Variants in CDK13 observed in about 807,000 individuals in gnomAD.
CDK13 encodes cyclin-dependent kinase 13.
A neutral mutation model predicts 137.6 loss-of-function variants in CDK13; 40 were observed. The observed-to-expected ratio is 0.29, with a 90% CI of 0.23 to 0.38. CDK13 has a LOEUF of 0.38. Among genes scored for constraint, CDK13 ranks in the 10% least tolerant of loss-of-function variants. CDK13 has a pLI of 1.00. For missense variants in CDK13, 1,704 were observed against 1,951.8 expected (o/e 0.87, Z 2.39); for synonymous variants, 869 against 760.1 (o/e 1.14, Z -2.36).
intron 4 of CDK13, among the ~76,000 whole-genome samples, chr7:40,001,506 C>T (rs1458982446): frequency 3.3e-5 from 5 of 152,128 alleles, no homozygotes; most frequent in Admixed American, 6.5e-5. Context: ...TGAACTACCA[C>T]GCCTGGCCTA....
intron 1 of CDK13, among the ~76,000 whole-genome samples, chr7:39,971,285 G>T (rs1393961799): frequency 6.6e-6 from 1 of 150,704 alleles, no homozygotes; most frequent in African/African-American, 2.4e-5. Context: ...TGGGAGGCTA[G>T]GGCAGCAGAT....
intron 1 of CDK13, among the ~76,000 whole-genome samples, chr7:39,960,542 C>T (rs1016094604): frequency 2.6e-5 from 4 of 151,754 alleles, no homozygotes; most frequent in African/African-American, 9.7e-5. Flanking sequence ...CAGGCATGAG[C>T]CACCGCATCT....
chr7:40,034,596 A>AATAT (rs1405704603), intron 5 of CDK13, among the ~76,000 whole-genome samples: 1 of 152,170 alleles, frequency 6.6e-6, no homozygotes, highest in Non-Finnish European at 1.5e-5. Context: ...TTTACATTAT[A>AATAT]AATAGTACTG....
rs1408463795 is a variant in CDK13 at position 39,983,215 on chromosome 7, T to A, written c.1212-4384T>A. Among the ~76,000 whole-genome samples, 3 of 152,200 alleles carry A rather than the reference T, an allele frequency of 2.0e-5. No individual in the cohort carries two copies. The East Asian group carries it at 5.8e-4, about 29-fold the overall frequency. On this transcript the variant is annotated intron_variant, in intron 1 of 13. Transcript: ENST00000181839. The stretch of plus-strand genomic sequence containing the variant: ...TTTTATATAAGGTTTAAGGAAGGGA[T>A]CCAGTTTCAGCTTTCTACATATGGC...
chr7:40,007,501 A>T, intron 5 of CDK13, among the ~76,000 whole-genome samples: 1 of 152,198 alleles, frequency 6.6e-6, no homozygotes, highest in East Asian at 1.9e-4. Flanking sequence ...ATCTTGGCTC[A>T]CTGCGACCTC....
intron 5 of CDK13, among the ~76,000 whole-genome samples, chr7:40,011,057 A>G (rs1228264187): frequency 1.3e-5 from 2 of 152,200 alleles, no homozygotes; most frequent in Non-Finnish European, 2.9e-5. Context: ...TATTATTAAG[A>G]TGGCAGTACT....
intron 7 of CDK13, among the ~76,000 whole-genome samples, chr7:40,057,920 T>C (rs1786056462): frequency 6.6e-6 from 1 of 152,228 alleles, no homozygotes; most frequent in Admixed American, 6.5e-5. Context: ...TATTGTTATG[T>C]AGTTATGTTA....
At chr7:40,039,457 T>TTTTTTTTG (rs1562743229) in intron 5 of CDK13, among the ~76,000 whole-genome samples, 1 of 146,776 alleles carries the variant, frequency 6.8e-6, no homozygotes, top group Non-Finnish European at 1.5e-5. Flanking sequence ...TTTTTTTTTT[T>TTTTTTTTG]GCGACAGAGT....
intron 7 of CDK13, among the ~76,000 whole-genome samples, chr7:40,055,156 CTGTGTGTGTGTGTGTG>C (rs56001601): frequency 6.4e-5 from 9 of 140,338 alleles, no homozygotes; most frequent in South Asian, 2.3e-4. Flanking sequence ...GGCAGAAGGA[CTGTGTGTGTGTGTGTG>C]TGTGTGTGTG....
chr7:39,993,573 A>G (rs979724798), intron 2 of CDK13, among the ~76,000 whole-genome samples: 1 of 152,062 alleles, frequency 6.6e-6, no homozygotes, highest in Non-Finnish European at 1.5e-5. Flanking sequence ...TAGTTGTTTT[A>G]TTATTATTTT....
intron 1 of CDK13, among the ~76,000 whole-genome samples, chr7:39,982,051 CA>C (rs1784237668): frequency 6.8e-6 from 1 of 147,734 alleles, no homozygotes; most frequent in Non-Finnish European, 1.5e-5. Context: ...TTTTAGGGGA[CA>C]TGTGCACAAT....
At chr7:39,951,912 A>T in intron 1 of CDK13, 60 bp downstream of exon 1, 1 of 1,314,882 alleles carries the variant, frequency 7.6e-7, no homozygotes, top group Non-Finnish European at 9.7e-7. Flanking sequence ...CCCCAGGAGG[A>T]AGGGAAAGTG....
rs58010602 is a variant in CDK13, at chr7:40,024,645, G to GT, written c.2354-21158dup. Among the ~76,000 whole-genome samples, 14 of 50,278 alleles carry GT rather than the reference G, an allele frequency of 2.8e-4. 1 individual carries two copies. The highest frequency in any genetic ancestry group is 1.1e-3 in the African/African-American group (13 of 11,966). 33.0% of individuals were successfully genotyped at this position (50,278 alleles called of 152,430 possible). On this transcript the variant is annotated intron_variant, in intron 5 of 13. Coordinates refer to ENST00000181839, the MANE Select transcript of CDK13 (RefSeq NM_003718.5). ...TCTTCCAAGATATCTGTAGCTCTGT[G>GT]TTTTTTTTTTTTTTTTTTTTTTTTT...
intron 1 of CDK13, among the ~76,000 whole-genome samples, chr7:39,964,929 C>T (rs951647806): frequency 3.3e-5 from 5 of 152,058 alleles, no homozygotes; most frequent in African/African-American, 9.7e-5. Flanking sequence ...TGTAGTTGAG[C>T]GGTTTGGAGT....
chr7:40,029,858 T>C (rs1173073235), intron 5 of CDK13, among the ~76,000 whole-genome samples: 4 of 152,020 alleles, frequency 2.6e-5, no homozygotes, highest in African/African-American at 9.7e-5. Context: ...TTCACTATGC[T>C]GGCCAGGCTG....
intron 9 of CDK13, among the ~76,000 whole-genome samples, chr7:40,074,459 C>T (rs1000472847): frequency 6.9e-6 from 1 of 145,474 alleles, no homozygotes; most frequent in Non-Finnish European, 1.5e-5. Context: ...GGAGGTGGAG[C>T]TTGCAGTGAG....
chr7:39,951,968 C>T (rs919831340), intron 1 of CDK13, 116 bp downstream of exon 1: 5 of 1,118,826 alleles, frequency 4.5e-6, no homozygotes, highest in African/African-American at 1.6e-5. Context: ...CGAGACGAGA[C>T]AACACCGCCT....
intron 7 of CDK13, among the ~76,000 whole-genome samples, chr7:40,049,970 C>G (rs1785847349): frequency 6.6e-6 from 1 of 151,276 alleles, no homozygotes; most frequent in Non-Finnish European, 1.5e-5. Context: ...CCACATTTTC[C>G]TTTTTTTGTT....
At chr7:39,989,086 C>CA (rs1213730855) in intron 2 of CDK13, among the ~76,000 whole-genome samples, 2,285 of 46,200 alleles carry the variant, frequency 0.049, 106 homozygotes, top group African/African-American at 0.16. Flanking sequence ...CGTGTCTCAC[C>CA]AAAAAAAAAA....
Sources: gnomAD v4.1 joint callset for allele counts (sites outside exome capture counted in the v4.1 genomes callset) on GRCh38, gnomAD v4.1.1 for gene constraint, MANE v1.5 for transcripts, NCBI Gene and HGNC (gene_info 2026-07-23, HGNC 2026-07-21) for gene names.